The following PDE6D variants were observed in gnomAD, a reference collection of about 807,000 sequenced individuals.
The protein encoded by PDE6D is retinal rod rhodopsin-sensitive cGMP 3',5'-cyclic phosphodiesterase subunit delta.
A neutral mutation model predicts 21.9 loss-of-function variants in PDE6D; 10 were observed. The ratio of observed to expected loss-of-function variants is 0.46; its 90% CI spans 0.28 to 0.78. The LOEUF (loss-of-function observed/expected upper bound fraction) is 0.78. Among genes scored for constraint, PDE6D ranks in the 30% least tolerant of loss-of-function variants. PDE6D has a pLI of 0.12. For synonymous variants in PDE6D, 59 were observed against 63.5 expected (o/e 0.93, Z 0.34); for missense variants, 139 against 184.8 (o/e 0.75, Z 1.44).
intron 1 of PDE6D, among the ~76,000 whole-genome samples, chr2:231,762,635 G>A (rs569312968): frequency 1.8e-4 from 28 of 151,948 alleles, no homozygotes; most frequent in African/African-American, 6.5e-4. Context: ...GTGAGCCACC[G>A]TGCCTGGCCT....
In PDE6D at chr2:231,739,989, A is replaced by C. The variant is rs1226836263; in HGVS notation, c.51-801T>G. On this transcript the variant is annotated intron_variant, in intron 1 of 4. Coordinates refer to ENST00000287600, the MANE Select transcript of PDE6D (RefSeq NM_002601.4). The surrounding 1 kb of genome is among the most constrained non-coding windows in gnomAD (Gnocchi z 4.2). ...ACAGACCAAAACAAACTAAAAGAAAAAAGTAACTTAGAAGAATAAAGAGGC... is the reference window on the plus strand; with the variant it reads ...ACAGACCAAAACAAACTAAAAGAAACAAGTAACTTAGAAGAATAAAGAGGC... 6.6e-6 allele frequency among the ~76,000 whole-genome samples: 1 copy of C among 152,200 alleles called. No individual in the cohort carries two copies. Among genetic ancestry groups the C allele is most frequent in the Admixed American group, 6.5e-5 (1 of 15,272 alleles).
intron 1 of PDE6D, among the ~76,000 whole-genome samples, chr2:231,776,284 G>A (rs1047325120): frequency 7.3e-6 from 1 of 137,366 alleles, no homozygotes; most frequent in Non-Finnish European, 1.5e-5. Context: ...TCACATCACT[G>A]CACTCCAGCC....
In PDE6D at chr2:231,739,637, G is replaced by GTTT. The variant is rs144122637; in HGVS notation, c.51-452_51-450dup. Among the ~76,000 whole-genome samples, 2 of 145,788 alleles carry GTTT rather than the reference G, an allele frequency of 1.4e-5. No individual in the cohort carries two copies. Among genetic ancestry groups the GTTT allele is most frequent in the African/African-American group, 2.5e-5 (1 of 39,986 alleles). On this transcript the variant is annotated intron_variant, in intron 1 of 4. Coordinates refer to ENST00000287600, the MANE Select transcript of PDE6D (RefSeq NM_002601.4). This position sits in a 1 kb window ranked among gnomAD's most constrained non-coding sequence, Gnocchi z 4.2. Reference sequence around the variant, plus strand: ...AAATTGCTTTGTAGTGGCCCCCTCTGTTTTTTTTTTTTGAAACAGAGTCTC... The same window carrying GTTT: ...AAATTGCTTTGTAGTGGCCCCCTCTGTTTTTTTTTTTTTTTGAAACAGAGTCTC...
At chr2:231,734,485 C>T (rs1021155868) in intron 4 of PDE6D, among the ~76,000 whole-genome samples, 1 of 151,114 alleles carries the variant, frequency 6.6e-6, no homozygotes, top group African/African-American at 2.4e-5. Context: ...TCCTAAACTA[C>T]TCTGTACTTT....
In PDE6D at chr2:231,732,872, A is replaced by G; in HGVS notation, c.*80T>C. 1.1e-6 allele frequency: 1 copy of G among 929,948 alleles called. No homozygotes were observed. Among genetic ancestry groups the G allele is most frequent in the Non-Finnish European group, 1.7e-6 (1 of 571,908 alleles). The allele number at this position is 929,948 out of a possible 1,614,324, so 57.6% of individuals were successfully genotyped here. ...TTAGGGGTGTATGTGTCAAAAATCA[A>G]ACGTGTGGAGGAAAAAAGTAAACAG... On this transcript the variant is annotated 3_prime_UTR_variant, in exon 5 of 5. Transcript: ENST00000287600.
At chr2:231,753,299 G>C (rs575792989) in intron 1 of PDE6D, among the ~76,000 whole-genome samples, 2 of 150,930 alleles carry the variant, frequency 1.3e-5, no homozygotes, top group Admixed American at 1.3e-4. Flanking sequence ...CGAAGTGGGC[G>C]GATCACGAGG....
chr2:231,751,839 A>ATTTCTTCC (rs2106271497), intron 1 of PDE6D, among the ~76,000 whole-genome samples: 1 of 152,228 alleles, frequency 6.6e-6, no homozygotes, highest in African/African-American at 2.4e-5. Context: ...GTACTCTGTC[A>ATTTCTTCC]GTTTCTTCCA....
At chr2:231,756,626 A>T (rs1328967228) in intron 1 of PDE6D, among the ~76,000 whole-genome samples, 4 of 134,896 alleles carry the variant, frequency 3.0e-5, no homozygotes, top group Non-Finnish European at 4.6e-5. Context: ...TTTTTGAGAG[A>T]CAGGGTCTCT....
In PDE6D at chr2:231,781,107, G is replaced by C; in HGVS notation, c.8C>G (p.Ala3Gly). The part of the protein sequence containing the change: MS[A>G]KDERAREILR... Reference sequence around the variant, plus strand: ...GATCTCCCTGGCCCGCTCGTCCTTGGCTGACATGATGCGGCGGTCGCCGCC... The same window carrying C: ...GATCTCCCTGGCCCGCTCGTCCTTGCCTGACATGATGCGGCGGTCGCCGCC... Residue 3 changes from alanine to glycine, a missense_variant, in exon 1 of 5, where the codon GCC becomes GGC. Transcript: ENST00000287600. The C allele has an allele frequency of 6.2e-7, 1 of 1,613,406 alleles. No individual in the cohort carries two copies. The highest frequency in any genetic ancestry group is 8.5e-7 in the Non-Finnish European group (1 of 1,179,774).
At position 231,732,928 on chromosome 2, in the gene PDE6D, T is replaced by A; in HGVS notation, c.*24A>T. 1 of 1,531,204 alleles carries A rather than the reference T, an allele frequency of 6.5e-7. No homozygotes were observed. The highest frequency in any genetic ancestry group is 9.0e-7 in the Non-Finnish European group (1 of 1,112,814). 94.9% of individuals were successfully genotyped at this position (1,531,204 alleles called of 1,614,324 possible). ...TCCTCCCTCCAAAAAACCCAAATTC[T>A]TGAAATGTACACACATTCTTCTTTC... On this transcript the variant is annotated 3_prime_UTR_variant, in exon 5 of 5. Coordinates refer to ENST00000287600, the MANE Select transcript of PDE6D (RefSeq NM_002601.4).
intron 1 of PDE6D, among the ~76,000 whole-genome samples, chr2:231,773,752 A>G (rs1428677467): frequency 6.6e-6 from 1 of 152,176 alleles, no homozygotes; most frequent in Non-Finnish European, 1.5e-5. Flanking sequence ...ATAAATTAGA[A>G]TGAGATTCAT....
chr2:231,776,037 A>T (rs2049053465), intron 1 of PDE6D, among the ~76,000 whole-genome samples: 1 of 152,260 alleles, frequency 6.6e-6, no homozygotes, highest in African/African-American at 2.4e-5. Flanking sequence ...GAAAGCTAGT[A>T]TAAGAGTACT....
At chr2:231,771,600 C>A (rs976118974) in intron 1 of PDE6D, among the ~76,000 whole-genome samples, 2 of 152,160 alleles carry the variant, frequency 1.3e-5, no homozygotes, top group Non-Finnish European at 2.9e-5. Context: ...ATTTATATTA[C>A]AGCTATTTAT....
At chr2:231,771,651 T>C (rs2049016530) in intron 1 of PDE6D, among the ~76,000 whole-genome samples, 1 of 152,220 alleles carries the variant, frequency 6.6e-6, no homozygotes, top group South Asian at 2.1e-4. Context: ...GAGGCAATAA[T>C]TGCTCTCCTT....
chr2:231,751,122 C>CTT (rs36043938), intron 1 of PDE6D, among the ~76,000 whole-genome samples: 1 of 68,266 alleles, frequency 1.5e-5, no homozygotes, highest in Admixed American at 1.4e-4. Flanking sequence ...CTATTCTAGT[C>CTT]TTTTTTTTTT....
intron 1 of PDE6D, among the ~76,000 whole-genome samples, chr2:231,741,516 C>T (rs2048750065): frequency 6.6e-6 from 1 of 152,166 alleles, no homozygotes; most frequent in Non-Finnish European, 1.5e-5. Flanking sequence ...AAGACAATAG[C>T]TCTTTAACAG....
At position 231,739,393 on chromosome 2, in the gene PDE6D, T is replaced by C; in HGVS notation, c.51-205A>G. 1 of 682,396 alleles carries C rather than the reference T, an allele frequency of 1.5e-6. No homozygotes were observed. The highest frequency in any genetic ancestry group is 2.7e-6 in the Non-Finnish European group (1 of 367,978). 42.3% of individuals were successfully genotyped at this position (682,396 alleles called of 1,614,324 possible). A position where few individuals can be genotyped will look rare whatever the true frequency, so the allele number is the denominator to read the frequency against. On this transcript the variant is annotated intron_variant, in intron 1 of 4. Coordinates refer to ENST00000287600, the MANE Select transcript of PDE6D (RefSeq NM_002601.4). This position sits in a 1 kb window ranked among gnomAD's most constrained non-coding sequence, Gnocchi z 4.2. Reference sequence around the variant, plus strand: ...AGCAGAAACCTAGAGAAGTTACTTTTATCTATGAGAATCCTAAGACTGCAC... The same window carrying C: ...AGCAGAAACCTAGAGAAGTTACTTTCATCTATGAGAATCCTAAGACTGCAC...
chr2:231,764,148 G>C (rs959124698), intron 1 of PDE6D, among the ~76,000 whole-genome samples: 1 of 152,022 alleles, frequency 6.6e-6, no homozygotes, highest in African/African-American at 2.4e-5. Context: ...GCCAGATGTA[G>C]TGGCTCAAGC....
intron 1 of PDE6D, among the ~76,000 whole-genome samples, chr2:231,752,204 G>C (rs2048844977): frequency 6.6e-6 from 1 of 151,832 alleles, no homozygotes; most frequent in South Asian, 2.1e-4. Flanking sequence ...GAAACCACAG[G>C]GTATGTTAGT....
Sources: allele counts gnomAD v4.1 joint callset (sites outside exome capture counted in the v4.1 genomes callset), GRCh38; gene constraint gnomAD v4.1.1; non-coding constraint Gnocchi (gnomAD v3.1); transcripts MANE v1.5; gene names NCBI Gene and HGNC (gene_info 2026-07-23, HGNC 2026-07-21).